The following CPNE4 variants were observed in gnomAD, a reference collection of about 807,000 sequenced individuals.
CPNE4 encodes copine-4.
In CPNE4, 25 loss-of-function variants were observed where a neutral mutation model predicts 67.9. The ratio of observed to expected loss-of-function variants is 0.37; its 90% CI spans 0.27 to 0.51. CPNE4 has a LOEUF of 0.51. Among genes scored for constraint, CPNE4 ranks in the 20% least tolerant of loss-of-function variants. The probability of loss-of-function intolerance (pLI) is 0.93; values close to 1 mark genes in which losing one functional copy is unlikely to be tolerated. For synonymous variants in CPNE4, 242 were observed against 244.9 expected (o/e 0.99, Z 0.11); for missense variants, 464 against 690.8 (o/e 0.67, Z 3.68).
intron 1 of CPNE4, among the ~76,000 whole-genome samples, chr3:131,905,845 G>A (rs938879842): frequency 6.6e-6 from 1 of 152,122 alleles, no homozygotes; most frequent in African/African-American, 2.4e-5. Context: ...AAGTTTTCAA[G>A]ACTAAAAATC....
At chr3:131,637,590 A>G (rs1560025612) in intron 7 of CPNE4, among the ~76,000 whole-genome samples, 3 of 152,214 alleles carry the variant, frequency 2.0e-5, no homozygotes. Context: ...AAGGAAGAAG[A>G]GAAATCTAAA....
At chr3:132,008,920 G>T (rs1226229741) in intron 1 of CPNE4, among the ~76,000 whole-genome samples, 1 of 152,160 alleles carries the variant, frequency 6.6e-6, no homozygotes, top group African/African-American at 2.4e-5. Context: ...TTTGCATCCT[G>T]GGATTATTAA....
At chr3:131,931,627 C>T (rs1186423531) in intron 1 of CPNE4, among the ~76,000 whole-genome samples, 1 of 151,982 alleles carries the variant, frequency 6.6e-6, no homozygotes. Context: ...TCACAAAGAA[C>T]ATTTATGTCC....
At chr3:131,818,302 A>G (rs2084826983) in intron 2 of CPNE4, among the ~76,000 whole-genome samples, 1 of 152,248 alleles carries the variant, frequency 6.6e-6, no homozygotes, top group Admixed American at 6.5e-5. Flanking sequence ...TAGAAGCTTC[A>G]CAGCGTAAGG....
intron 7 of CPNE4, among the ~76,000 whole-genome samples, chr3:131,617,927 A>G (rs891162866): frequency 6.6e-6 from 1 of 152,136 alleles, no homozygotes; most frequent in Non-Finnish European, 1.5e-5. Context: ...TTCATTCATT[A>G]ATTTCTTCAT....
At chr3:131,975,867 T>C (rs925296155) in intron 1 of CPNE4, among the ~76,000 whole-genome samples, 1 of 152,070 alleles carries the variant, frequency 6.6e-6, no homozygotes, top group African/African-American at 2.4e-5. Context: ...CAAATAAGGA[T>C]GACCATCACA....
At chr3:131,911,081 C>G (rs992599110) in intron 1 of CPNE4, among the ~76,000 whole-genome samples, 1 of 152,034 alleles carries the variant, frequency 6.6e-6, no homozygotes, top group Non-Finnish European at 1.5e-5. Flanking sequence ...TGCTTTTAAC[C>G]AATAAAATAT....
At position 131,801,353 on chromosome 3, in the gene CPNE4, A is replaced by ACCCATATATATATATGTAC. The variant is rs146891062; in HGVS notation, c.181-77729_181-77728insGTACATATATATATATGGG. Among the ~76,000 whole-genome samples, 8 of 111,924 alleles carry ACCCATATATATATATGTAC rather than the reference A, an allele frequency of 7.1e-5. 1 individual carries two copies. In the East Asian group the frequency reaches 1.4e-3, roughly 20 times the overall value. 73.4% of individuals were successfully genotyped at this position (111,924 alleles called of 152,430 possible). On this transcript the variant is annotated intron_variant, in intron 2 of 15. Transcript: ENST00000429747. The stretch of plus-strand genomic sequence containing the variant: ...AAACCATACATATATATATATATGT[A>ACCCATATATATATATGTAC]CCATATATATATATGTACCATATAT...
At position 131,979,509 on chromosome 3, in the gene CPNE4, G is replaced by A. The variant is rs370194505; in HGVS notation, c.-2+55058C>T. On this transcript the variant is annotated intron_variant, in intron 1 of 15. Coordinates refer to ENST00000429747, the MANE Select transcript of CPNE4 (RefSeq NM_130808.3). ...TCTGATAAAATAGCTACTCCTGCTC[G>A]CTTTTGGTGTCCATTTGCATGAAAT... 7.5e-4 allele frequency among the ~76,000 whole-genome samples: 114 copies of A among 152,138 alleles called. 1 individual carries two copies. The highest frequency in any genetic ancestry group is 2.4e-3 in the African/African-American group (101 of 41,514).
chr3:131,674,661 A>T (rs138580568), intron 6 of CPNE4, among the ~76,000 whole-genome samples: 1 of 151,874 alleles, frequency 6.6e-6, no homozygotes, highest in Non-Finnish European at 1.5e-5. Context: ...AGTATTTGTT[A>T]TAATGTCTTC....
chr3:131,743,985 C>A (rs372503884), intron 2 of CPNE4, among the ~76,000 whole-genome samples: 1,238 of 82,398 alleles, frequency 0.015, 2 homozygotes, highest in Middle Eastern at 0.051. Context: ...AAAAAAAAAA[C>A]AATAAAAGCA....
chr3:131,747,568 C>A (rs919960341), intron 2 of CPNE4, among the ~76,000 whole-genome samples: 10 of 151,928 alleles, frequency 6.6e-5, no homozygotes, highest in African/African-American at 2.2e-4. Flanking sequence ...GACAGGGTCT[C>A]ACTACGTTTC....
chr3:131,960,556 A>C (rs1447106928), intron 1 of CPNE4, among the ~76,000 whole-genome samples: 1 of 152,160 alleles, frequency 6.6e-6, no homozygotes, highest in African/African-American at 2.4e-5. Context: ...CTGTTACAAG[A>C]TTATAGTTCC....
intron 1 of CPNE4, among the ~76,000 whole-genome samples, chr3:131,949,621 T>G (rs1375889578): frequency 6.6e-6 from 1 of 152,200 alleles, no homozygotes; most frequent in Non-Finnish European, 1.5e-5. Flanking sequence ...CATCTGCTAC[T>G]ACTATTTAAT....
At chr3:131,861,740 T>A (rs2086697353) in intron 2 of CPNE4, among the ~76,000 whole-genome samples, 1 of 150,636 alleles carries the variant, frequency 6.6e-6, no homozygotes, top group African/African-American at 2.4e-5. Context: ...GCCTAGGATA[T>A]CTCATCTTTT....
chr3:131,748,211 A>G (rs1425679238), intron 2 of CPNE4, among the ~76,000 whole-genome samples: 1 of 152,018 alleles, frequency 6.6e-6, no homozygotes, highest in South Asian at 2.1e-4. Flanking sequence ...GAATTACTAT[A>G]TTATGGCAAT....
chr3:131,766,168 G>C (rs1310546475), intron 2 of CPNE4, among the ~76,000 whole-genome samples: 1 of 152,142 alleles, frequency 6.6e-6, no homozygotes, highest in African/African-American at 2.4e-5. Context: ...CATTAGCTGT[G>C]TGGCTTTGGC....
chr3:131,900,108 C>T (rs2088494486), intron 2 of CPNE4, among the ~76,000 whole-genome samples: 1 of 151,922 alleles, frequency 6.6e-6, no homozygotes, highest in Admixed American at 6.6e-5. Context: ...CGGAATTAAT[C>T]ACCAGAATTA....
chr3:132,001,229 T>C (rs984453657), intron 1 of CPNE4, among the ~76,000 whole-genome samples: 2 of 151,974 alleles, frequency 1.3e-5, no homozygotes, highest in African/African-American at 4.8e-5. Context: ...GAACAGAAGG[T>C]CAGCTAGGTC....
Sources: gnomAD v4.1 joint callset for allele counts (sites outside exome capture counted in the v4.1 genomes callset) on GRCh38, gnomAD v4.1.1 for gene constraint, MANE v1.5 for transcripts, NCBI Gene and HGNC (gene_info 2026-07-23, HGNC 2026-07-21) for gene names.